Variants in PXDNL observed in about 807,000 individuals in gnomAD.
PXDNL encodes the protein probable oxidoreductase PXDNL.
Under a neutral mutation model 150.8 loss-of-function variants are expected in PXDNL, and 145 were observed. That is an observed-to-expected ratio of 0.96 (90% confidence interval 0.84 to 1.10). The LOEUF is 1.10. Ranked by LOEUF, PXDNL falls within the 50% of genes least tolerant of loss-of-function variation. The pLI is 0.00. For synonymous variants in PXDNL, 757 were observed against 725.7 expected, an observed-to-expected ratio of 1.04 and a Z score of -0.69; for missense variants, 2,087 against 1,873.9, an observed-to-expected ratio of 1.11 and a Z score of -2.10.
At chr8:51,597,499 T>C (rs1246761171) in intron 2 of PXDNL, among the ~76,000 whole-genome samples, 2 of 152,210 alleles carry the variant, frequency 1.3e-5, no homozygotes, top group African/African-American at 4.8e-5. Flanking sequence ...GAGCAGAATG[T>C]CCATTTTAGC....
chr8:51,723,736 A>C (rs1816773272), intron 1 of PXDNL, among the ~76,000 whole-genome samples: 2 of 152,146 alleles, frequency 1.3e-5, no homozygotes, highest in African/African-American at 4.8e-5. Context: ...CCTCTGAGCG[A>C]GGTGGGGCTG....
chr8:51,536,952 G>A (rs1037996275), intron 4 of PXDNL, among the ~76,000 whole-genome samples: 2 of 152,170 alleles, frequency 1.3e-5, no homozygotes, highest in African/African-American at 4.8e-5. Flanking sequence ...CAAACCTAAC[G>A]TGCTTATTGG....
intron 1 of PXDNL, among the ~76,000 whole-genome samples, chr8:51,754,515 T>A (rs2037079184): frequency 6.6e-6 from 1 of 151,686 alleles, no homozygotes; most frequent in Non-Finnish European, 1.5e-5. Context: ...TCATTTCTTT[T>A]TTTTTTGAGG....
chr8:51,802,927 A>G (rs1031862253), intron 1 of PXDNL, among the ~76,000 whole-genome samples: 5 of 152,232 alleles, frequency 3.3e-5, no homozygotes, highest in African/African-American at 1.2e-4. Context: ...TAAAGTTAAC[A>G]TTTCACTGAA....
chr8:51,716,176 CTGCT>C (rs749942035), intron 1 of PXDNL, among the ~76,000 whole-genome samples: 65 of 152,194 alleles, frequency 4.3e-4, no homozygotes, highest in Non-Finnish European at 8.1e-4. Context: ...ATGTGGGTGC[CTGCT>C]TTCAAAACAT....
At chr8:51,713,934 A>G (rs1435325324) in intron 1 of PXDNL, among the ~76,000 whole-genome samples, 3 of 152,186 alleles carry the variant, frequency 2.0e-5, no homozygotes, top group Non-Finnish European at 4.4e-5. Flanking sequence ...TTAATTCCCT[A>G]CATATTTATG....
chr8:51,603,269 G>A (rs960587627), intron 2 of PXDNL, among the ~76,000 whole-genome samples: 2 of 151,242 alleles, frequency 1.3e-5, no homozygotes, highest in Non-Finnish European at 3.0e-5. Flanking sequence ...GTAAATTTTA[G>A]GAACATCCGT....
chr8:51,717,449 C>A (rs1344031713), intron 1 of PXDNL, among the ~76,000 whole-genome samples: 3 of 152,208 alleles, frequency 2.0e-5, no homozygotes, highest in Non-Finnish European at 4.4e-5. Flanking sequence ...AGAACTTAGA[C>A]CTGGCAGATA....
chr8:51,638,038 G>A (rs1371634281), intron 2 of PXDNL, among the ~76,000 whole-genome samples: 1 of 152,190 alleles, frequency 6.6e-6, no homozygotes, highest in Non-Finnish European at 1.5e-5. Context: ...GAGACTGGCG[G>A]CGAATATTCA....
At position 51,534,425 on chromosome 8, in the gene PXDNL, T is replaced by C. The variant is rs1812007495; in HGVS notation, c.380+22415A>G. ...AGGGGCGCCTCTGCCCGGCCGCCCCTACTGGGAAGTGAGGAGCCCCTCTGC... is the reference window on the plus strand; with the variant it reads ...AGGGGCGCCTCTGCCCGGCCGCCCCCACTGGGAAGTGAGGAGCCCCTCTGC... On this transcript the variant is annotated intron_variant, in intron 4 of 22. Transcript: ENST00000356297. Among the ~76,000 whole-genome samples, 7 of 114,786 alleles carry C rather than the reference T, an allele frequency of 6.1e-5. No individual in the cohort carries two copies. In the South Asian group the frequency reaches 2.3e-3, roughly 38 times the overall value. The allele number at this position is 114,786 out of a possible 152,430, so 75.3% of individuals were successfully genotyped here. A position where few individuals can be genotyped will look rare whatever the true frequency, so the allele number is the denominator to read the frequency against.
chr8:51,589,796 TA>T (rs1315313206), intron 3 of PXDNL, among the ~76,000 whole-genome samples: 1 of 152,046 alleles, frequency 6.6e-6, no homozygotes, highest in Non-Finnish European at 1.5e-5. Flanking sequence ...AATTAAAAGG[TA>T]AAAAACAGAA....
intron 4 of PXDNL, among the ~76,000 whole-genome samples, chr8:51,528,053 C>G (rs779736956): frequency 6.6e-6 from 1 of 152,058 alleles, no homozygotes; most frequent in Non-Finnish European, 1.5e-5. Flanking sequence ...CCAAAGGTAT[C>G]AGAATTAATC....
rs762807503 is a variant in PXDNL at position 51,475,011 on chromosome 8, G to A, written c.655C>T (p.Arg219Cys). 29 of 1,609,534 alleles carry A rather than the reference G, an allele frequency of 1.8e-5. No individual in the cohort carries two copies. Among genetic ancestry groups the A allele is most frequent in the Middle Eastern group, 1.7e-4 (1 of 5,940 alleles). ...TCTACTGTTACTGAAGCAACTGCAC[G>A]CCCATGGAGTCTCCTGGGATATTCG... is the stretch of plus-strand genomic sequence containing the variant. Reference protein sequence around the residue: ...TCEYPRRLHGRAVASVTVEEF... With the variant: ...TCEYPRRLHGCAVASVTVEEF... Residue 219 changes from arginine to cysteine, a missense_variant, in exon 7 of 23, where the codon CGT becomes TGT. By Grantham distance (180) the Arg-to-Cys change is radical (BLOSUM62 -3). Transcript: ENST00000356297.
intron 4 of PXDNL, among the ~76,000 whole-genome samples, chr8:51,522,875 C>CA (rs34790616): frequency 0.031 from 4,506 of 145,046 alleles, 87 homozygotes; most frequent in African/African-American, 0.055. Context: ...AACAAACAAA[C>CA]AAAAAAAAAA....
At chr8:51,387,758 C>T (rs576171590) in intron 17 of PXDNL, among the ~76,000 whole-genome samples, 1 of 152,076 alleles carries the variant, frequency 6.6e-6, no homozygotes, top group Non-Finnish European at 1.5e-5. Context: ...TTATTTTCAC[C>T]TTAAATATGT....
At chr8:51,479,192 G>A (rs1388561706) in intron 6 of PXDNL, among the ~76,000 whole-genome samples, 1 of 152,142 alleles carries the variant, frequency 6.6e-6, no homozygotes, top group South Asian at 2.1e-4. Context: ...AATAAAAAGA[G>A]ATTAGAAAAG....
At chr8:51,803,387 A>C (rs950182533) in intron 1 of PXDNL, among the ~76,000 whole-genome samples, 8 of 152,236 alleles carry the variant, frequency 5.3e-5, no homozygotes, top group Non-Finnish European at 1.0e-4. Context: ...CACACAAAAA[A>C]ACTCTCCCTG....
intron 4 of PXDNL, among the ~76,000 whole-genome samples, chr8:51,541,416 A>C (rs752272464): frequency 6.6e-6 from 1 of 152,116 alleles, no homozygotes; most frequent in Non-Finnish European, 1.5e-5. Context: ...CACCTTTCTG[A>C]GGGCTCCATC....
chr8:51,371,855 C>A lies in PXDNL; in HGVS notation c.3901+18G>T. On this transcript the variant is annotated intron_variant, in intron 19 of 22. Transcript: ENST00000356297. ...CATGCACATCAATCCAGATCGTGCT[C>A]ATTGCATTATTACTGACCTGCACAG... is the stretch of plus-strand genomic sequence containing the variant. 6.3e-7 allele frequency: 1 copy of A among 1,599,382 alleles called. No homozygotes were observed. Among genetic ancestry groups the A allele is most frequent in the Non-Finnish European group, 8.6e-7 (1 of 1,167,548 alleles).
Sources: gnomAD v4.1 joint callset for allele counts (sites outside exome capture counted in the v4.1 genomes callset) on GRCh38, gnomAD v4.1.1 for gene constraint, MANE v1.5 for transcripts, NCBI Gene and HGNC (gene_info 2026-07-23, HGNC 2026-07-21) for gene names.